ATP2C1: variants seen among roughly 807,000 people sequenced by gnomAD.
ATP2C1 encodes ATPase secretory pathway Ca2+ transporting 1.
A neutral mutation model predicts 120.5 loss-of-function variants in ATP2C1; 31 were observed. The observed-to-expected ratio is 0.26, with a 90% CI of 0.19 to 0.35. The LOEUF (loss-of-function observed/expected upper bound fraction) is 0.35. ATP2C1 is among the 10% of genes least tolerant of loss of function. The pLI is 1.00. For missense variants in ATP2C1, 731 were observed against 1,107.5 expected, an observed-to-expected ratio of 0.66 and a Z score of 4.83; for synonymous variants, 351 against 358.7, an observed-to-expected ratio of 0.98 and a Z score of 0.24.
chr3:130,995,392 G>A (rs1218085914), intron 22 of ATP2C1, among the ~76,000 whole-genome samples: 1 of 149,854 alleles, frequency 6.7e-6, no homozygotes, highest in African/African-American at 2.5e-5. Flanking sequence ...TCCAGCCTGG[G>A]AAGCAGGGCA....
At chr3:130,875,561 C>G (rs976573340) in intron 1 of ATP2C1, among the ~76,000 whole-genome samples, 1 of 152,178 alleles carries the variant, frequency 6.6e-6, no homozygotes, top group Admixed American at 6.5e-5. Context: ...ATTATCTTGG[C>G]TATTGTGGAT....
At chr3:130,987,430 G>A (rs777840704) in intron 20 of ATP2C1, among the ~76,000 whole-genome samples, 1 of 152,180 alleles carries the variant, frequency 6.6e-6, no homozygotes, top group Non-Finnish European at 1.5e-5. Context: ...CCCCAGTTCA[G>A]GTGATCCCTC....
At chr3:130,975,538 T>A in intron 18 of ATP2C1, 50 bp downstream of exon 18, 1 of 1,579,094 alleles carries the variant, frequency 6.3e-7, no homozygotes, top group Non-Finnish European at 8.7e-7. Context: ...AGAGCCTTCT[T>A]TTAATTGCAG....
chr3:130,881,014 CT>C (rs896821009), intron 1 of ATP2C1, among the ~76,000 whole-genome samples: 13 of 152,134 alleles, frequency 8.5e-5, no homozygotes, highest in African/African-American at 3.1e-4. Context: ...GGATAGAAAA[CT>C]TTTAAGTGCA....
At chr3:130,962,677 T>A (rs1394673491) in intron 12 of ATP2C1, among the ~76,000 whole-genome samples, 5 of 146,676 alleles carry the variant, frequency 3.4e-5, no homozygotes, top group African/African-American at 1.3e-4. Flanking sequence ...GTATCTAGAT[T>A]GTAAGTGATA....
At chr3:131,004,822 T>G (rs541633706), downstream of ATP2C1, among the ~76,000 whole-genome samples, 328 of 152,246 alleles carry the variant, frequency 2.2e-3, no homozygotes, top group African/African-American at 7.4e-3. Context: ...CCACAATGAG[T>G]TTGACACTGT....
chr3:130,939,469 G>A (rs2059804663), intron 6 of ATP2C1, among the ~76,000 whole-genome samples: 1 of 152,090 alleles, frequency 6.6e-6, no homozygotes, highest in Non-Finnish European at 1.5e-5. Flanking sequence ...CATTTATTAG[G>A]TTTTAGGTGG....
chr3:130,883,654 G>A (rs1345869203), intron 1 of ATP2C1, among the ~76,000 whole-genome samples: 1 of 152,010 alleles, frequency 6.6e-6, no homozygotes, highest in East Asian at 1.9e-4. Context: ...GTTTCGCCAT[G>A]TTGTCCAGGC....
At chr3:130,892,886 C>G (rs2069234341), upstream of ATP2C1, among the ~76,000 whole-genome samples, 1 of 152,196 alleles carries the variant, frequency 6.6e-6, no homozygotes, top group Non-Finnish European at 1.5e-5. Context: ...ACAGGCAACC[C>G]CGTCCGTTAA....
chr3:130,906,705 G>T (rs2058142112), intron 2 of ATP2C1, among the ~76,000 whole-genome samples: 1 of 147,152 alleles, frequency 6.8e-6, no homozygotes. Context: ...TTGCATCCTA[G>T]GGGGTATGAA....
At chr3:130,937,611 C>G (rs1191772283) in intron 6 of ATP2C1, 148 bp downstream of exon 6, 1 of 726,404 alleles carries the variant, frequency 1.4e-6, no homozygotes, top group Non-Finnish European at 2.5e-6. Flanking sequence ...CAGATACAGA[C>G]AACTCTTCAG....
In ATP2C1 at chr3:130,975,341, G is replaced by A. The variant is rs781063598; in HGVS notation, c.1423G>A (p.Glu475Lys). 1.2e-6 allele frequency: 2 copies of A among 1,613,792 alleles called. No individual in the cohort carries two copies. Among genetic ancestry groups the A allele is most frequent in the Non-Finnish European group, 8.5e-7 (1 of 1,179,766 alleles). The part of the protein sequence containing the change: ...CVHRTQQDRP[E>K]ICFMKGAYEQ... ...TACATTTTCTTCTTAGGACAGACCA[G>A]AGATTTGTTTTATGAAAGGTGCTTA... The change falls in exon 18 of 28, where the codon GAG becomes AAG. Residue 475 changes from glutamate to lysine, a missense_variant. By Grantham distance (56) the Glu-to-Lys change is moderately conservative. Transcript: ENST00000510168.
intron 12 of ATP2C1, among the ~76,000 whole-genome samples, chr3:130,962,351 G>A (rs1418385673): frequency 5.3e-5 from 8 of 151,984 alleles, no homozygotes; most frequent in South Asian, 4.1e-4. Flanking sequence ...GGTTTTAGAA[G>A]TGTTGCAATT....
intron 1 of ATP2C1, among the ~76,000 whole-genome samples, chr3:130,870,131 C>T (rs974342458): frequency 6.6e-6 from 1 of 151,994 alleles, no homozygotes; most frequent in East Asian, 1.9e-4. Flanking sequence ...CCATTTATAG[C>T]ATGGCTTACT....
Position 130,894,149 on chromosome 3 carries a change from T to TGCCCCC in ATP2C1, c.-369_-368insGCCCCC. 22 of 694,844 alleles carry TGCCCCC rather than the reference T, an allele frequency of 3.2e-5. No homozygotes were observed. Among genetic ancestry groups the TGCCCCC allele is most frequent in the Non-Finnish European group, 3.9e-5 (22 of 565,202 alleles). 43.0% of individuals were successfully genotyped at this position (694,844 alleles called of 1,614,324 possible). A position where few individuals can be genotyped will look rare whatever the true frequency, so the allele number is the denominator to read the frequency against. On this transcript the variant is annotated 5_prime_UTR_variant, in exon 1 of 28. Coordinates refer to ENST00000510168, the MANE Select transcript of ATP2C1 (RefSeq NM_001378687.1). This position sits in a 1 kb window ranked among gnomAD's most constrained non-coding sequence, Gnocchi z 4.5. ...ACGGGTCCCCTCACCTCCTCTTCTC[T>TGCCCCC]CCCCTCCCCGCCCGCCCTCTCTCCC...
At chr3:130,888,887 C>T (rs766795014) in intron 1 of ATP2C1, among the ~76,000 whole-genome samples, 6 of 152,130 alleles carry the variant, frequency 3.9e-5, no homozygotes, top group Non-Finnish European at 5.9e-5. Flanking sequence ...TTGTTCCTGT[C>T]GGGGGTTATC....
chr3:130,906,452 C>CA (rs1459724322), intron 2 of ATP2C1, among the ~76,000 whole-genome samples: 1 of 151,926 alleles, frequency 6.6e-6, no homozygotes, highest in South Asian at 2.1e-4. Flanking sequence ...TACTTTTTGT[C>CA]AAAAAATAAC....
intron 26 of ATP2C1, chr3:131,015,190 A>C (rs766603791): frequency 7.1e-6 from 5 of 702,036 alleles, no homozygotes; most frequent in Non-Finnish European, 2.6e-6. Flanking sequence ...ACCTTGAAAC[A>C]TGTAAAGTCC....
At chr3:130,861,449 G>T (rs1576529449) in intron 1 of ATP2C1, among the ~76,000 whole-genome samples, 1 of 152,260 alleles carries the variant, frequency 6.6e-6, no homozygotes, top group African/African-American at 2.4e-5. Context: ...ATGTCTGAAG[G>T]CAGGAGAAGA....
Sources: allele counts gnomAD v4.1 joint callset (sites outside exome capture counted in the v4.1 genomes callset), GRCh38; gene constraint gnomAD v4.1.1; non-coding constraint Gnocchi (gnomAD v3.1); transcripts MANE v1.5; gene names NCBI Gene and HGNC (gene_info 2026-07-23, HGNC 2026-07-21).